FAM168B: variants seen among roughly 807,000 people sequenced by gnomAD.
The protein encoded by FAM168B is family with sequence similarity 168 member B, also known as myelin-associated neurite-outgrowth inhibitor.
A neutral mutation model predicts 21.8 loss-of-function variants in FAM168B; 19 were observed. That is an observed-to-expected ratio of 0.87 (90% CI 0.61 to 1.28). The LOEUF (loss-of-function observed/expected upper bound fraction) is 1.28. FAM168B is among the 50% of genes most tolerant of loss of function. FAM168B has a pLI of 0.00. For missense variants in FAM168B, 233 were observed against 263.1 expected, an observed-to-expected ratio of 0.89 and a Z score of 0.79; for synonymous variants, 126 against 104.8, an observed-to-expected ratio of 1.20 and a Z score of -1.24.
At chr2:131,089,895 G>C (rs919794488) in intron 1 of FAM168B, among the ~76,000 whole-genome samples, 11 of 151,238 alleles carry the variant, frequency 7.3e-5, no homozygotes, top group African/African-American at 2.7e-4. Flanking sequence ...AGCCAGCGGT[G>C]GTGGTGCACA....
rs1693250275 is a variant in FAM168B, at chr2:131,078,069, AC to A, written c.70+4507del. Among the ~76,000 whole-genome samples, 3 of 152,346 alleles carry A rather than the reference AC, an allele frequency of 2.0e-5. No homozygotes were observed. The South Asian group carries it at 6.2e-4, about 32-fold the overall frequency. On this transcript the variant is annotated intron_variant, in intron 2 of 6. Coordinates refer to ENST00000389915, the MANE Select transcript of FAM168B (RefSeq NM_001009993.4). ...CATGCTACCTTCCCAGCAAAAGAAG[AC>A]ATCATCAGTGAAACCACCCATAATT...
In FAM168B at chr2:131,052,924, G is replaced by A; in HGVS notation, c.567C>T (p.Ser189=). 6.4e-7 allele frequency: 1 copy of A among 1,561,708 alleles called. No homozygotes were observed. Reference sequence around the variant, plus strand: ...GTGATCACCACTGAGGGGGCACATAGCTGTAAGTGGGCGTTCCTGGGGCCC... The same window carrying A: ...GTGATCACCACTGAGGGGGCACATAACTGTAAGTGGGCGTTCCTGGGGCCC... ...TYRAPGTPTY[S]YVPPQW The change falls in exon 6 of 7, where the codon AGC becomes AGT. Residue 189 remains serine (S), a synonymous_variant. Transcript: ENST00000389915.
At chr2:131,081,576 T>C (rs751494044) in intron 2 of FAM168B, among the ~76,000 whole-genome samples, 1 of 152,222 alleles carries the variant, frequency 6.6e-6, no homozygotes, top group African/African-American at 2.4e-5. Flanking sequence ...ATAAACTTCC[T>C]TATGGGGCCA....
chr2:131,075,596 G>A (rs372841469), intron 2 of FAM168B, among the ~76,000 whole-genome samples: 4 of 151,600 alleles, frequency 2.6e-5, no homozygotes, highest in Admixed American at 6.6e-5. Flanking sequence ...CTGGGTTCAC[G>A]CCATTCTCCT....
In FAM168B at chr2:131,049,215, C is replaced by G. The variant is rs971011084; in HGVS notation, c.*3250G>C. On this transcript the variant is annotated 3_prime_UTR_variant, in exon 7 of 7. Coordinates refer to ENST00000389915, the MANE Select transcript of FAM168B (RefSeq NM_001009993.4). ...GACACATGCAAATTATTTCCTAGAC[C>G]TCATTCATCACAGCCAGATGATGCC... 1.0e-6 allele frequency: 1 copy of G among 985,266 alleles called. No individual in the cohort carries two copies. Among genetic ancestry groups the G allele is most frequent in the South Asian group, 4.7e-5 (1 of 21,274 alleles). The allele number at this position is 985,266 out of a possible 1,614,324, so 61.0% of individuals were successfully genotyped here.
Position 131,071,954 on chromosome 2 carries a change from G to T in FAM168B, c.71-16C>A, listed in dbSNP as rs969631827. 6.2e-7 allele frequency: 1 copy of T among 1,610,798 alleles called. No homozygotes were observed. The highest frequency in any genetic ancestry group is 8.5e-7 in the Non-Finnish European group (1 of 1,177,782). On this transcript the variant is annotated splice_polypyrimidine_tract_variant and intron_variant, in intron 2 of 6. Transcript: ENST00000389915. ...GGAAAACCAGCTGAAGAAAAATAAAGAACAATCTCATGTCATCAACTGAAG... is the reference window on the plus strand; with the variant it reads ...GGAAAACCAGCTGAAGAAAAATAAATAACAATCTCATGTCATCAACTGAAG...
At chr2:131,066,028 T>C (rs1185644745) in intron 3 of FAM168B, among the ~76,000 whole-genome samples, 1 of 152,170 alleles carries the variant, frequency 6.6e-6, no homozygotes, top group African/African-American at 2.4e-5. Flanking sequence ...AAAGGGTTCA[T>C]TTTTAAGCTT....
At chr2:131,090,010 C>T (rs907305403) in intron 1 of FAM168B, among the ~76,000 whole-genome samples, 3 of 145,818 alleles carry the variant, frequency 2.1e-5, no homozygotes, top group Admixed American at 6.9e-5. Context: ...CCAGCCTGGG[C>T]GACATGGACG....
At position 131,049,378 on chromosome 2, in the gene FAM168B, T is replaced by G; in HGVS notation, c.*3087A>C. ...TAGCACTCAAGAAGGTTTCCCAGAA[T>G]AGCGACAGGTAGGCCTACAAACCAC... On this transcript the variant is annotated 3_prime_UTR_variant, in exon 7 of 7. Transcript: ENST00000389915. 23 of 985,432 alleles carry G rather than the reference T, an allele frequency of 2.3e-5. No homozygotes were observed. The highest frequency in any genetic ancestry group is 2.7e-5 in the Non-Finnish European group (22 of 829,990). 61.0% of individuals were successfully genotyped at this position (985,432 alleles called of 1,614,324 possible). A position where few individuals can be genotyped will look rare whatever the true frequency, so the allele number is the denominator to read the frequency against.
At chr2:131,086,870 C>T (rs1391317771) in intron 1 of FAM168B, among the ~76,000 whole-genome samples, 1 of 127,504 alleles carries the variant, frequency 7.8e-6, no homozygotes, top group East Asian at 2.1e-4. Flanking sequence ...TCGAGACCAT[C>T]CTGGCTAACA....
chr2:131,089,395 A>G (rs1454018330), intron 1 of FAM168B, among the ~76,000 whole-genome samples: 3 of 152,136 alleles, frequency 2.0e-5, no homozygotes, highest in Non-Finnish European at 2.9e-5. Flanking sequence ...AAAAATTCCT[A>G]ACTTGAAAAT....
rs542260131 is a variant in FAM168B, at chr2:131,048,763, A to G, written c.*3702T>C. On this transcript the variant is annotated 3_prime_UTR_variant, in exon 7 of 7. Transcript: ENST00000389915. ...TACGTGCTCTGCCTTCCCCCAGGCC[A>G]ACCACACTCTGCTTTAGAGACCCTC... 6.1e-6 allele frequency: 6 copies of G among 986,878 alleles called. No individual in the cohort carries two copies. In the South Asian group the frequency reaches 1.4e-4, roughly 23 times the overall value. 61.1% of individuals were successfully genotyped at this position (986,878 alleles called of 1,614,324 possible).
At chr2:131,088,305 G>A (rs535618000) in intron 1 of FAM168B, among the ~76,000 whole-genome samples, 2 of 152,116 alleles carry the variant, frequency 1.3e-5, no homozygotes, top group South Asian at 2.1e-4. Context: ...AAGAAACGCA[G>A]GAGTAGGAGG....
intron 2 of FAM168B, among the ~76,000 whole-genome samples, chr2:131,076,824 T>C (rs1573800299): frequency 6.6e-6 from 1 of 151,574 alleles, no homozygotes; most frequent in Admixed American, 6.6e-5. Flanking sequence ...AAAACAAACA[T>C]CCCGCCCCAC....
Position 131,056,148 on chromosome 2 carries a change from T to C in FAM168B, c.155-453A>G, listed in dbSNP as rs529661514. ...GACTTAACTGTAAGCATGCTCATCATAGTGTTGTTTGTTACAGCAAAAACA... is the reference window on the plus strand; with the variant it reads ...GACTTAACTGTAAGCATGCTCATCACAGTGTTGTTTGTTACAGCAAAAACA... On this transcript the variant is annotated intron_variant, in intron 3 of 6. Coordinates refer to ENST00000389915, the MANE Select transcript of FAM168B (RefSeq NM_001009993.4). 1.3e-3 allele frequency among the ~76,000 whole-genome samples: 204 copies of C among 152,276 alleles called. 1 individual carries two copies. The highest frequency in any genetic ancestry group is 4.3e-3 in the African/African-American group (180 of 41,554).
chr2:131,092,926 G>GATTA (rs1694108854), intron 1 of FAM168B, among the ~76,000 whole-genome samples: 2 of 152,066 alleles, frequency 1.3e-5, no homozygotes, highest in South Asian at 4.1e-4. Flanking sequence ...ATTCCTGACG[G>GATTA]CTGTGACCCC....
chr2:131,065,659 A>C lies in FAM168B; in HGVS notation c.154+6196T>G, dbSNP rs533252091. Among the ~76,000 whole-genome samples the C allele has an allele frequency of 3.3e-5, 5 of 151,980 alleles. No individual in the cohort carries two copies. In the South Asian group the frequency reaches 1.0e-3, roughly 32 times the overall value. On this transcript the variant is annotated intron_variant, in intron 3 of 6. Transcript: ENST00000389915. ...ACAAAAATTAGCCGGCGTGGTGGAG[A>C]GCGCCTGTAATTCCAGCTTCTCAGG... is the stretch of plus-strand genomic sequence containing the variant.
At chr2:131,054,320 G>T (rs1160855346) in intron 5 of FAM168B, among the ~76,000 whole-genome samples, 1 of 151,282 alleles carries the variant, frequency 6.6e-6, no homozygotes, top group Non-Finnish European at 1.5e-5. Context: ...TACAACTGCA[G>T]AAACTCAACA....
chr2:131,089,080 T>C (rs939850510), intron 1 of FAM168B, among the ~76,000 whole-genome samples: 8 of 151,964 alleles, frequency 5.3e-5, no homozygotes, highest in African/African-American at 1.9e-4. Context: ...GATTCTCCTG[T>C]CTCAGCCTCC....
Sources: gnomAD v4.1 joint callset for allele counts (sites outside exome capture counted in the v4.1 genomes callset) on GRCh38, gnomAD v4.1.1 for gene constraint, MANE v1.5 for transcripts, NCBI Gene and HGNC (gene_info 2026-07-23, HGNC 2026-07-21) for gene names.